The following RALGAPA1 variants were observed in gnomAD, a reference collection of about 807,000 sequenced individuals.
RALGAPA1 encodes the protein ral GTPase-activating protein subunit alpha-1.
A neutral mutation model predicts 269.6 loss-of-function variants in RALGAPA1; 52 were observed. That is an observed-to-expected ratio of 0.19 (90% CI 0.15 to 0.24). The LOEUF (loss-of-function observed/expected upper bound fraction) is 0.24. RALGAPA1 is among the 10% of genes least tolerant of loss of function. The pLI is 1.00. For missense variants in RALGAPA1, 1,917 were observed against 3,013.9 expected (o/e 0.64, Z 8.52); for synonymous variants, 817 against 1,008.3 (o/e 0.81, Z 3.60).
At chr14:35,749,622 C>T (rs1041460565) in intron 9 of RALGAPA1, among the ~76,000 whole-genome samples, 1 of 152,112 alleles carries the variant, frequency 6.6e-6, no homozygotes, top group African/African-American at 2.4e-5. Context: ...CCATTACATT[C>T]TAGGATCAGA....
At chr14:35,549,278 T>C in intron 39 of RALGAPA1, 44 bp from the exon 40 acceptor site, 1 of 1,578,012 alleles carries the variant, frequency 6.3e-7, no homozygotes, top group Non-Finnish European at 8.6e-7. Flanking sequence ...CAGCTTATAC[T>C]GGAAAAAAAA....
intron 27 of RALGAPA1, among the ~76,000 whole-genome samples, chr14:35,663,826 C>T (rs549294710): frequency 4.6e-5 from 7 of 152,074 alleles, no homozygotes; most frequent in South Asian, 2.1e-4. Flanking sequence ...CTCCTGACCT[C>T]GTGATCTGCC....
At chr14:35,628,074 A>G (rs2061100336) in intron 33 of RALGAPA1, 123 bp from the exon 34 acceptor site, 7 of 1,129,772 alleles carry the variant, frequency 6.2e-6, no homozygotes, top group Non-Finnish European at 8.7e-6. Flanking sequence ...TTTAGATTCC[A>G]TAATACAGTA....
chr14:35,745,166 A>G (rs2071931760), intron 10 of RALGAPA1, among the ~76,000 whole-genome samples: 2 of 152,180 alleles, frequency 1.3e-5, no homozygotes, highest in African/African-American at 2.4e-5. Flanking sequence ...TAATTTATCA[A>G]TTTACAATGA....
In RALGAPA1 at chr14:35,714,315, C is replaced by T. The variant is rs935294633; in HGVS notation, c.2266+7373G>A. Among the ~76,000 whole-genome samples the T allele has an allele frequency of 2.0e-5, 3 of 152,130 alleles. No individual in the cohort carries two copies. In the East Asian group the frequency reaches 5.8e-4, roughly 29 times the overall value. On this transcript the variant is annotated intron_variant, in intron 16 of 41. Coordinates refer to ENST00000680220, the MANE Select transcript of RALGAPA1 (RefSeq NM_001346249.2). ...CACTTAATATTCGTATTTTGATAAA[C>T]AATAGCCATCCTAGTGGGTGGGTGT...
chr14:35,636,429 T>G (rs189615304), intron 31 of RALGAPA1, among the ~76,000 whole-genome samples: 263 of 152,200 alleles, frequency 1.7e-3, no homozygotes, highest in African/African-American at 5.5e-3. Context: ...ATAAATAAAA[T>G]AAGGAACAAT....
intron 41 of RALGAPA1, among the ~76,000 whole-genome samples, chr14:35,548,087 G>T (rs2054612285): frequency 6.6e-6 from 1 of 151,982 alleles, no homozygotes; most frequent in African/African-American, 2.4e-5. Context: ...AGTCATCTTT[G>T]TATTTCAGGT....
intron 35 of RALGAPA1, among the ~76,000 whole-genome samples, chr14:35,609,819 TG>T (rs1350755435): frequency 4.1e-5 from 6 of 147,582 alleles, no homozygotes; most frequent in Non-Finnish European, 8.9e-5. Flanking sequence ...GGCCCCTACT[TG>T]GGGAGGCTAA....
chr14:35,703,470 ACT>A (rs1342153310), intron 16 of RALGAPA1, among the ~76,000 whole-genome samples: 1 of 152,054 alleles, frequency 6.6e-6, no homozygotes. Context: ...CAAAGTTAAG[ACT>A]CTGCCTCAAA....
chr14:35,793,882 G>A (rs1251321093), intron 1 of RALGAPA1, among the ~76,000 whole-genome samples: 1 of 151,974 alleles, frequency 6.6e-6, no homozygotes, highest in Non-Finnish European at 1.5e-5. Flanking sequence ...TATAAGCCAC[G>A]TAAAATCCTT....
intron 39 of RALGAPA1, among the ~76,000 whole-genome samples, chr14:35,554,251 T>G (rs1311759812): frequency 6.6e-6 from 1 of 151,940 alleles, no homozygotes; most frequent in Non-Finnish European, 1.5e-5. Flanking sequence ...ACATCATACA[T>G]CTTGAAGATT....
Position 35,652,900 on chromosome 14 carries a change from A to G in RALGAPA1, c.5608-1027T>C, listed in dbSNP as rs540925831. 1.1e-4 allele frequency among the ~76,000 whole-genome samples: 16 copies of G among 152,310 alleles called. 1 individual carries two copies. The East Asian group carries it at 2.9e-3, about 28-fold the overall frequency. On this transcript the variant is annotated intron_variant, in intron 30 of 41. Coordinates refer to ENST00000680220, the MANE Select transcript of RALGAPA1 (RefSeq NM_001346249.2). ...GTGCATGTTAAAAATGTATAGGTATATATTTATTGTATTTTTATTTTAGCT... is the reference window on the plus strand; with the variant it reads ...GTGCATGTTAAAAATGTATAGGTATGTATTTATTGTATTTTTATTTTAGCT...
At chr14:35,797,826 C>T (rs772502742) in intron 1 of RALGAPA1, among the ~76,000 whole-genome samples, 8 of 144,966 alleles carry the variant, frequency 5.5e-5, no homozygotes, top group Admixed American at 5.5e-4. Context: ...GCCTGGGAAA[C>T]GAGCAAAATT....
intron 1 of RALGAPA1, among the ~76,000 whole-genome samples, chr14:35,800,105 G>A (rs886604452): frequency 6.6e-5 from 10 of 152,298 alleles, no homozygotes; most frequent in Middle Eastern, 3.4e-3. Context: ...ACTGATAGAA[G>A]TTCAAAAGAA....
At chr14:35,635,796 CA>C (rs1266125231) in intron 31 of RALGAPA1, among the ~76,000 whole-genome samples, 198 bp from the exon 32 acceptor site, 1 of 151,992 alleles carries the variant, frequency 6.6e-6, no homozygotes, top group African/African-American at 2.4e-5. Flanking sequence ...TTTCATATGT[CA>C]GGGCAAGCAT....
At chr14:35,734,153 C>A (rs1166768316) in intron 12 of RALGAPA1, among the ~76,000 whole-genome samples, 1 of 152,018 alleles carries the variant, frequency 6.6e-6, no homozygotes, top group Non-Finnish European at 1.5e-5. Flanking sequence ...AAATTCAATG[C>A]AATCTCTATC....
In RALGAPA1 at chr14:35,748,833, C is replaced by CAAA. The variant is rs56861116; in HGVS notation, c.1012-12_1012-10dup. 6.2e-5 allele frequency: 81 copies of CAAA among 1,300,546 alleles called. No homozygotes were observed. Among genetic ancestry groups the CAAA allele is most frequent in the Admixed American group, 3.8e-4 (10 of 26,534 alleles). The allele number at this position is 1,300,546 out of a possible 1,614,324, so 80.6% of individuals were successfully genotyped here. A position where few individuals can be genotyped will look rare whatever the true frequency, so the allele number is the denominator to read the frequency against. ...AAACTAGCAGCTGCTCTCTAAAATA[C>CAAA]AAAAAAAAAAAAAAAAGAGAGAAAC... On this transcript the variant is annotated splice_polypyrimidine_tract_variant and intron_variant, in intron 9 of 41. Coordinates refer to ENST00000680220, the MANE Select transcript of RALGAPA1 (RefSeq NM_001346249.2).
intron 10 of RALGAPA1, among the ~76,000 whole-genome samples, chr14:35,743,626 G>A (rs755761193): frequency 5.3e-5 from 8 of 152,016 alleles, no homozygotes; most frequent in Non-Finnish European, 1.2e-4. Context: ...TTGAACTACA[G>A]GCACACACCA....
At chr14:35,614,759 T>C (rs1213665872) in intron 35 of RALGAPA1, among the ~76,000 whole-genome samples, 1 of 152,108 alleles carries the variant, frequency 6.6e-6, no homozygotes, top group African/African-American at 2.4e-5. Flanking sequence ...ATCTATTAAG[T>C]GTAAATTCTA....
Sources: allele counts gnomAD v4.1 joint callset (sites outside exome capture counted in the v4.1 genomes callset), GRCh38; gene constraint gnomAD v4.1.1; transcripts MANE v1.5; gene names NCBI Gene and HGNC (gene_info 2026-07-23, HGNC 2026-07-21).